Variants in TUT4 observed in about 807,000 individuals in gnomAD.
The protein encoded by TUT4 is terminal uridylyl transferase 4, also known as terminal uridylyltransferase 4.
In TUT4, 36 loss-of-function variants were observed where a neutral mutation model predicts 192.2. The ratio of observed to expected loss-of-function variants is 0.19; its 90% CI spans 0.14 to 0.25. TUT4 has a LOEUF of 0.25. TUT4 is among the 10% of genes least tolerant of loss of function. The probability of loss-of-function intolerance (pLI) is 1.00; values close to 1 mark genes in which losing one functional copy is unlikely to be tolerated. For synonymous variants in TUT4, 618 were observed against 666.0 expected, an observed-to-expected ratio of 0.93 and a Z score of 1.11; for missense variants, 1,493 against 1,957.2, an observed-to-expected ratio of 0.76 and a Z score of 4.47.
At chr1:52,482,798 C>G (rs947313503) in intron 9 of TUT4, among the ~76,000 whole-genome samples, 2 of 152,058 alleles carry the variant, frequency 1.3e-5, no homozygotes, top group African/African-American at 4.8e-5. Context: ...AACAGTTCCC[C>G]CATTCAAGAA....
rs772365910 is a variant in TUT4 at position 52,488,892 on chromosome 1, T to C, written c.1515+17A>G. ...TTCTAAAAATATAAATAAGTAGTTT[T>C]CCTCTCTTTCACTTACCTTAGCCCA... On this transcript the variant is annotated intron_variant, in intron 9 of 29. Coordinates refer to ENST00000257177, the MANE Select transcript of TUT4 (RefSeq NM_001009881.3). 6.3e-6 allele frequency: 10 copies of C among 1,586,174 alleles called. No individual in the cohort carries two copies. The highest frequency in any genetic ancestry group is 8.5e-6 in the Non-Finnish European group (10 of 1,172,338).
At chr1:52,501,159 G>A (rs1337515301) in intron 4 of TUT4, among the ~76,000 whole-genome samples, 3 of 152,126 alleles carry the variant, frequency 2.0e-5, no homozygotes, top group Non-Finnish European at 4.4e-5. Flanking sequence ...TACTGACAGA[G>A]TAAAAAGACA....
intron 5 of TUT4, among the ~76,000 whole-genome samples, chr1:52,496,162 T>C (rs1672394317): frequency 6.6e-6 from 1 of 152,156 alleles, no homozygotes. Context: ...CAAGAAGATT[T>C]AGTTTCTTAG....
At chr1:52,494,506 A>G (rs1053832552) in intron 6 of TUT4, among the ~76,000 whole-genome samples, 6 of 152,176 alleles carry the variant, frequency 3.9e-5, no homozygotes, top group Non-Finnish European at 7.3e-5. Flanking sequence ...AGCCTGACCA[A>G]CAAGGTGAAA....
intron 20 of TUT4, among the ~76,000 whole-genome samples, chr1:52,454,328 T>C (rs1406387598): frequency 6.6e-6 from 1 of 152,190 alleles, no homozygotes; most frequent in East Asian, 1.9e-4. Context: ...TCAAGAGTTA[T>C]TATAACACTA....
At chr1:52,480,743 T>C (rs1668294596) in intron 11 of TUT4, among the ~76,000 whole-genome samples, 1 of 152,166 alleles carries the variant, frequency 6.6e-6, no homozygotes, top group African/African-American at 2.4e-5. Flanking sequence ...GATAAGAACA[T>C]GGCAAGTTCC....
chr1:52,509,034 T>C (rs1676390165), intron 4 of TUT4, among the ~76,000 whole-genome samples: 1 of 152,196 alleles, frequency 6.6e-6, no homozygotes, highest in Admixed American at 6.5e-5. Flanking sequence ...CTAAAGACTT[T>C]TAATTCATGC....
intron 25 of TUT4, chr1:52,437,273 G>C (rs1295684531): frequency 3.8e-6 from 1 of 261,338 alleles, no homozygotes; most frequent in Non-Finnish European, 7.2e-6. Flanking sequence ...TTGAGGCTTA[G>C]AGAAGATAAG....
chr1:52,444,453 T>C (rs1272724597), intron 24 of TUT4, among the ~76,000 whole-genome samples: 2 of 152,052 alleles, frequency 1.3e-5, no homozygotes, highest in African/African-American at 4.8e-5. Context: ...ATAAGACACC[T>C]GAAACTGGAC....
At chr1:52,531,515 T>C (rs576684885) in intron 1 of TUT4, among the ~76,000 whole-genome samples, 1 of 152,358 alleles carries the variant, frequency 6.6e-6, no homozygotes, top group East Asian at 1.9e-4. Flanking sequence ...AAATCATTTC[T>C]GATTTTGCTT....
intron 11 of TUT4, 21 bp downstream of exon 11, chr1:52,481,402 A>T: frequency 6.2e-7 from 1 of 1,610,760 alleles, no homozygotes; most frequent in African/African-American, 1.3e-5. Flanking sequence ...AAAGCCAAAA[A>T]ACAAAAACAA....
chr1:52,524,351 G>A (rs565433535), intron 2 of TUT4, among the ~76,000 whole-genome samples: 2 of 151,906 alleles, frequency 1.3e-5, no homozygotes, highest in South Asian at 2.1e-4. Flanking sequence ...GTGAAACCCC[G>A]TCTCTACTAA....
At chr1:52,524,098 A>C (rs1681050300) in intron 2 of TUT4, among the ~76,000 whole-genome samples, 1 of 152,224 alleles carries the variant, frequency 6.6e-6, no homozygotes, top group Non-Finnish European at 1.5e-5. Flanking sequence ...TCCCACAACA[A>C]AATGAATTTT....
intron 1 of TUT4, among the ~76,000 whole-genome samples, chr1:52,548,847 G>C (rs116017717): frequency 6.6e-6 from 1 of 152,110 alleles, no homozygotes. Flanking sequence ...CATGAATAGC[G>C]TCTCCCTTCT....
At chr1:52,485,105 G>A (rs953353651) in intron 9 of TUT4, among the ~76,000 whole-genome samples, 9 of 152,220 alleles carry the variant, frequency 5.9e-5, no homozygotes, top group Non-Finnish European at 1.3e-4. Context: ...CACACAGAAG[G>A]CATTTAACGA....
intron 1 of TUT4, among the ~76,000 whole-genome samples, chr1:52,540,218 C>CAA (rs1329351412): frequency 1.2e-4 from 12 of 100,412 alleles, no homozygotes; most frequent in South Asian, 6.2e-4. Flanking sequence ...GACTCTGTCT[C>CAA]AAAAAAAAAA....
intron 3 of TUT4, among the ~76,000 whole-genome samples, chr1:52,512,691 T>C (rs1219893572): frequency 1.3e-5 from 2 of 152,214 alleles, no homozygotes; most frequent in Non-Finnish European, 2.9e-5. Context: ...AACTAGTAAA[T>C]CTTTACCTTT....
chr1:52,536,888 G>T (rs764301483), intron 1 of TUT4, among the ~76,000 whole-genome samples: 3 of 144,844 alleles, frequency 2.1e-5, no homozygotes, highest in Non-Finnish European at 4.5e-5. Context: ...AAAATAGGCC[G>T]GGCGCGGTGG....
intron 9 of TUT4, among the ~76,000 whole-genome samples, chr1:52,483,759 G>C (rs1669090000): frequency 1.3e-5 from 2 of 152,026 alleles, no homozygotes; most frequent in South Asian, 4.2e-4. Context: ...GCAGTGAGCT[G>C]AGATTGCGCC....
Sources: allele counts gnomAD v4.1 joint callset (sites outside exome capture counted in the v4.1 genomes callset), GRCh38; gene constraint gnomAD v4.1.1; transcripts MANE v1.5; gene names NCBI Gene and HGNC (gene_info 2026-07-23, HGNC 2026-07-21).